The following CEP44 variants were observed in gnomAD, a reference collection of about 807,000 sequenced individuals.
CEP44 encodes centrosomal protein 44, also known as centrosomal protein of 44 kDa.
Under a neutral mutation model 46.7 loss-of-function variants are expected in CEP44, and 45 were observed. The ratio of observed to expected loss-of-function variants is 0.96; its 90% CI spans 0.76 to 1.24. The LOEUF (loss-of-function observed/expected upper bound fraction) is 1.24. Ranked by LOEUF, CEP44 falls within the 50% of genes most tolerant of loss-of-function variation. CEP44 has a pLI of 0.00. For missense variants in CEP44, 475 were observed against 459.7 expected (o/e 1.03, Z -0.30); for synonymous variants, 142 against 146.0 (o/e 0.97, Z 0.20).
rs372632174 is a variant in CEP44, at chr4:174,311,850, T to C, written c.961+992T>C. On this transcript the variant is annotated intron_variant, in intron 9 of 11. Coordinates refer to ENST00000503780, the MANE Select transcript of CEP44 (RefSeq NM_001040157.3). This position sits in a 1 kb window ranked among gnomAD's most constrained non-coding sequence, Gnocchi z 4.4. ...TATTTGGAGCACATATCAATATCAT[T>C]GCACAAAGAACAATTTCAGTGATTA... is the stretch of plus-strand genomic sequence containing the variant. 6.6e-6 allele frequency among the ~76,000 whole-genome samples: 1 copy of C among 152,318 alleles called. No homozygotes were observed. Among genetic ancestry groups the C allele is most frequent in the East Asian group, 1.9e-4 (1 of 5,186 alleles).
chr4:174,286,615 T>C lies in CEP44; in HGVS notation c.-148+2672T>C, dbSNP rs1177357954. Among the ~76,000 whole-genome samples the C allele has an allele frequency of 6.6e-6, 1 of 152,228 alleles. No homozygotes were observed. Among genetic ancestry groups the C allele is most frequent in the Non-Finnish European group, 1.5e-5 (1 of 68,042 alleles). On this transcript the variant is annotated intron_variant, in intron 1 of 11. Transcript: ENST00000503780. This position sits in a 1 kb window ranked among gnomAD's most constrained non-coding sequence, Gnocchi z 5.2. The stretch of plus-strand genomic sequence containing the variant: ...ACTAGACTTTTATAGTTCAGAAACT[T>C]ACCTCCTTCCAGCAAAGGTTCTTAA...
Position 174,299,431 on chromosome 4 carries a change from A to G in CEP44, c.89+221A>G, listed in dbSNP as rs958445141. ...CTTAAAAGATTTAAAACTGTTTAGA[A>G]GCACAGTATTTATCTGTATAAGTTA... On this transcript the variant is annotated intron_variant, in intron 3 of 11. Coordinates refer to ENST00000503780, the MANE Select transcript of CEP44 (RefSeq NM_001040157.3). 7.9e-5 allele frequency among the ~76,000 whole-genome samples: 12 copies of G among 152,222 alleles called. 1 individual carries two copies. Among genetic ancestry groups the G allele is most frequent in the Non-Finnish European group, 1.5e-5 (1 of 68,020 alleles).
intron 9 of CEP44, among the ~76,000 whole-genome samples, chr4:174,315,696 C>A (rs1252587106): frequency 6.6e-6 from 1 of 151,702 alleles, no homozygotes; most frequent in Admixed American, 6.6e-5. Context: ...AAAAAATTAG[C>A]CGGGCGTGGT....
At position 174,292,888 on chromosome 4, in the gene CEP44, A is replaced by T. The variant is rs542724750; in HGVS notation, c.-147-5078A>T. On this transcript the variant is annotated intron_variant, in intron 1 of 11. Coordinates refer to ENST00000503780, the MANE Select transcript of CEP44 (RefSeq NM_001040157.3). ...GCAGATCATGGATCTTCATCTTGTT[A>T]TAGTCAGTTTCTGTAACCTTATTGG... Among the ~76,000 whole-genome samples the T allele has an allele frequency of 2.6e-5, 4 of 152,272 alleles. No homozygotes were observed. The East Asian group carries it at 7.7e-4, about 29-fold the overall frequency.
In CEP44 at chr4:174,294,250, C is replaced by T. The variant is rs865883579; in HGVS notation, c.-147-3716C>T. On this transcript the variant is annotated intron_variant, in intron 1 of 11. Transcript: ENST00000503780. Reference sequence around the variant, plus strand: ...ATTAGGGAGTGGTGATGACTCTTAACGAGCATGCTGCCTTCAAGCATCTGT... The same window carrying T: ...ATTAGGGAGTGGTGATGACTCTTAATGAGCATGCTGCCTTCAAGCATCTGT... Among the ~76,000 whole-genome samples, 384 of 151,334 alleles carry T rather than the reference C, an allele frequency of 2.5e-3. 1 individual carries two copies. Among genetic ancestry groups the T allele is most frequent in the African/African-American group, 8.5e-3 (352 of 41,230 alleles).
chr4:174,322,544 A>G (rs554548298), downstream of CEP44, among the ~76,000 whole-genome samples: 4 of 152,304 alleles, frequency 2.6e-5, no homozygotes, highest in Non-Finnish European at 5.9e-5. Flanking sequence ...TTATAAACCT[A>G]CTATTTGCAA....
In CEP44 at chr4:174,329,929, T is replaced by C. The variant is rs527703495; in HGVS notation, c.1087-1553T>C. 9.5e-4 allele frequency among the ~76,000 whole-genome samples: 145 copies of C among 152,296 alleles called. No individual in the cohort carries two copies. Among genetic ancestry groups the C allele is most frequent in the African/African-American group, 3.4e-3 (143 of 41,568 alleles). On this transcript the variant is annotated intron_variant, in intron 8 of 8. Coordinates refer to the CEP44 transcript ENST00000426172. The surrounding 1 kb of genome is among the most constrained non-coding windows in gnomAD (Gnocchi z 4.0). ...ATATTTTAGATAGGAATACTTATTA[T>C]AGTTTCAACTTTCATACTTCGTATT...
At chr4:174,313,073 G>T (rs1293596479) in intron 9 of CEP44, among the ~76,000 whole-genome samples, 11 of 152,064 alleles carry the variant, frequency 7.2e-5, no homozygotes, top group Non-Finnish European at 1.3e-4. Context: ...ATGATTGATG[G>T]TAAGAATGAA....
intron 9 of CEP44, among the ~76,000 whole-genome samples, chr4:174,315,840 C>CAAAAAAAA (rs58586936): frequency 1.0e-5 from 1 of 95,776 alleles, no homozygotes; most frequent in African/African-American, 3.9e-5. Context: ...GACTCCGTCT[C>CAAAAAAAA]AAAAAAAAAA....
chr4:174,303,826 A>G lies in CEP44; in HGVS notation c.361A>G (p.Lys121Glu), dbSNP rs754690573. The G allele has an allele frequency of 1.3e-6, 2 of 1,570,782 alleles. No individual in the cohort carries two copies. Among genetic ancestry groups the G allele is most frequent in the East Asian group, 4.5e-5 (2 of 44,172 alleles). The change falls in exon 5 of 12, where the codon AAG becomes GAG. Residue 121 changes from lysine to glutamate, a missense_variant. Coordinates refer to ENST00000503780, the MANE Select transcript of CEP44 (RefSeq NM_001040157.3). ...DILNCVMKKH[K>E]ELSSLQKIPS... ...TTTGAATTGTGTGATGAAAAAGCAC[A>G]AGGAATTAAGCAGTCTTCAGAAGGT...
Position 174,304,131 on chromosome 4 carries a change from T to C in CEP44, c.385-116T>C, listed in dbSNP as rs1740089538. 8 of 1,205,170 alleles carry C rather than the reference T, an allele frequency of 6.6e-6. No homozygotes were observed. In the Admixed American group the frequency reaches 2.2e-4, roughly 33 times the overall value. The allele number at this position is 1,205,170 out of a possible 1,614,324, so 74.7% of individuals were successfully genotyped here. A position where few individuals can be genotyped will look rare whatever the true frequency, so the allele number is the denominator to read the frequency against. On this transcript the variant is annotated intron_variant, in intron 5 of 11. Coordinates refer to ENST00000503780, the MANE Select transcript of CEP44 (RefSeq NM_001040157.3). Reference sequence around the variant, plus strand: ...TAAAAGTCATGTAGTCTCATTAGAGTCTCATTATTTGTCAGCTATATTTCA... The same window carrying C: ...TAAAAGTCATGTAGTCTCATTAGAGCCTCATTATTTGTCAGCTATATTTCA...
At chr4:174,295,119 G>A (rs2062198568) in intron 1 of CEP44, among the ~76,000 whole-genome samples, 1 of 151,838 alleles carries the variant, frequency 6.6e-6, no homozygotes. Flanking sequence ...CGGCTGGCCT[G>A]GCGGGGGCTG....
chr4:174,324,955 A>G (rs1262847436), downstream of CEP44, among the ~76,000 whole-genome samples: 1 of 152,132 alleles, frequency 6.6e-6, no homozygotes, highest in Non-Finnish European at 1.5e-5. Flanking sequence ...CATATGACTA[A>G]TAAGCTGTTA....
At chr4:174,315,349 A>T (rs1235552835) in intron 9 of CEP44, among the ~76,000 whole-genome samples, 1 of 151,808 alleles carries the variant, frequency 6.6e-6, no homozygotes, top group Non-Finnish European at 1.5e-5. Flanking sequence ...TGTAGGGGAG[A>T]TGCCATCATT....
At chr4:174,285,660 T>C (rs1737504781) in intron 1 of CEP44, 1 of 152,158 alleles carries the variant, frequency 6.6e-6, no homozygotes, top group African/African-American at 2.4e-5. Context: ...CTAAAGGAAG[T>C]CTGGAAAGAC....
rs113598626 is a variant in CEP44 at position 174,290,800 on chromosome 4, A to G, written c.-148+6857A>G. On this transcript the variant is annotated intron_variant, in intron 1 of 11. Coordinates refer to ENST00000503780, the MANE Select transcript of CEP44 (RefSeq NM_001040157.3). This position sits in a 1 kb window ranked among gnomAD's most constrained non-coding sequence, Gnocchi z 4.3. Reference sequence around the variant, plus strand: ...TCTATTTCTTCCTTCAAATCTGTCAATGTTCACTGTATATTTTAAGGTGCT... The same window carrying G: ...TCTATTTCTTCCTTCAAATCTGTCAGTGTTCACTGTATATTTTAAGGTGCT... 5.3e-5 allele frequency among the ~76,000 whole-genome samples: 8 copies of G among 152,108 alleles called. No homozygotes were observed. The highest frequency in any genetic ancestry group is 2.1e-4 in the South Asian group (1 of 4,822).
At position 174,318,361 on chromosome 4, in the gene CEP44, T is replaced by C. The variant is rs1354389279; in HGVS notation, c.*978T>C. 4.1e-6 allele frequency: 4 copies of C among 985,286 alleles called. No individual in the cohort carries two copies. The East Asian group carries it at 4.5e-4, about 112-fold the overall frequency. 61.0% of individuals were successfully genotyped at this position (985,286 alleles called of 1,614,324 possible). Reference sequence around the variant, plus strand: ...TAAGACCAGTGTAACAGAAAGAGAATGTAGCCATTCTAGCCACCGTTAAAA... The same window carrying C: ...TAAGACCAGTGTAACAGAAAGAGAACGTAGCCATTCTAGCCACCGTTAAAA... On this transcript the variant is annotated 3_prime_UTR_variant, in exon 12 of 12. Transcript: ENST00000503780.
At chr4:174,298,352 T>G (rs1307336957) in intron 2 of CEP44, among the ~76,000 whole-genome samples, 1 of 151,512 alleles carries the variant, frequency 6.6e-6, no homozygotes, top group Non-Finnish European at 1.5e-5. Context: ...ATTTTTTGTA[T>G]TTTTAGTAGA....
chr4:174,307,248 T>C (rs185329651), intron 6 of CEP44, among the ~76,000 whole-genome samples: 21 of 152,276 alleles, frequency 1.4e-4, no homozygotes, highest in Admixed American at 8.5e-4. Context: ...ATCATGGTAC[T>C]AGTACCAGAA....
Sources: gnomAD v4.1 joint callset for allele counts (sites outside exome capture counted in the v4.1 genomes callset) on GRCh38, gnomAD v4.1.1 for gene constraint, Gnocchi (gnomAD v3.1) non-coding constraint, MANE v1.5 for transcripts, NCBI Gene and HGNC (gene_info 2026-07-23, HGNC 2026-07-21) for gene names.